Variants in GKAP1 observed in about 807,000 individuals in gnomAD.
GKAP1 encodes the protein G kinase anchoring protein 1.
GKAP1 carries 31 observed loss-of-function variants against 56.7 expected under a neutral mutation model. The observed-to-expected ratio is 0.55, with a 90% CI of 0.41 to 0.74. The LOEUF is 0.74. Ranked by LOEUF, GKAP1 falls within the 30% of genes least tolerant of loss-of-function variation. GKAP1 has a pLI of 0.00. For synonymous variants in GKAP1, 151 were observed against 138.6 expected (o/e 1.09, Z -0.63); for missense variants, 364 against 402.3 (o/e 0.90, Z 0.82).
chr9:83,788,616 A>G lies in GKAP1; in HGVS notation c.423T>C (p.Tyr141=), dbSNP rs1013054843. ...EKALLLSKLE[Y]EEHKKEYEDA... ...ATGTAAATACCTTTTTGTGCTCTTC[A>G]TATTCTAGTTTACTTAGTAACAATG... The change falls in exon 5 of 13, where the codon TAT becomes TAC. Residue 141 remains tyrosine, a synonymous_variant. Coordinates refer to ENST00000376371, the MANE Select transcript of GKAP1 (RefSeq NM_025211.4). The G allele has an allele frequency of 6.3e-7, 1 of 1,584,346 alleles. No individual in the cohort carries two copies. Among genetic ancestry groups the G allele is most frequent in the African/African-American group, 1.3e-5 (1 of 74,428 alleles).
intron 8 of GKAP1, among the ~76,000 whole-genome samples, chr9:83,754,936 A>T (rs1387875676): frequency 6.6e-6 from 1 of 152,244 alleles, no homozygotes; most frequent in Non-Finnish European, 1.5e-5. Context: ...GGGTCAAATA[A>T]GATTATGCTT....
chr9:83,780,374 A>T lies in GKAP1; in HGVS notation c.585+8T>A. ...TGTTTTCTACAAGATGGCTACAATA[A>T]GACTTACCTCAGTCTTTTTACTAAT... On this transcript the variant is annotated splice_region_variant and intron_variant, in intron 7 of 12. Coordinates refer to ENST00000376371, the MANE Select transcript of GKAP1 (RefSeq NM_025211.4). 2 of 1,382,872 alleles carry T rather than the reference A, an allele frequency of 1.4e-6. No homozygotes were observed. The highest frequency in any genetic ancestry group is 1.8e-4 in the Middle Eastern group (1 of 5,542). The allele number at this position is 1,382,872 out of a possible 1,614,324, so 85.7% of individuals were successfully genotyped here.
At position 83,768,005 on chromosome 9, in the gene GKAP1, G is replaced by C. The variant is rs1587706558; in HGVS notation, c.738+813C>G. 3.9e-5 allele frequency among the ~76,000 whole-genome samples: 6 copies of C among 152,230 alleles called. No individual in the cohort carries two copies. In the South Asian group the frequency reaches 1.2e-3, roughly 32 times the overall value. ...CCAGGCTCTTTTCTCTTTTTAAGTA[G>C]TATTTTGAAAATATGAATGCCATTC... On this transcript the variant is annotated intron_variant, in intron 8 of 12. Transcript: ENST00000376371.
intron 12 of GKAP1, among the ~76,000 whole-genome samples, chr9:83,741,358 T>TCACACA (rs777468995): frequency 1.6e-3 from 236 of 147,702 alleles, no homozygotes; most frequent in African/African-American, 5.6e-3. Context: ...TAAATATATC[T>TCACACA]CTCACACACA....
intron 2 of GKAP1, among the ~76,000 whole-genome samples, chr9:83,807,914 A>G (rs1474885388): frequency 6.6e-6 from 1 of 152,248 alleles, no homozygotes; most frequent in African/African-American, 2.4e-5. Flanking sequence ...AAGAAAAATG[A>G]GAAGTATGTA....
intron 4 of GKAP1, among the ~76,000 whole-genome samples, chr9:83,798,720 G>A (rs113298092): frequency 0.019 from 2,893 of 151,982 alleles, 50 homozygotes; most frequent in Non-Finnish European, 0.029. Context: ...TTTGCTCTGT[G>A]GCCCAGGGTG....
At chr9:83,793,869 T>A (rs187424181) in intron 4 of GKAP1, among the ~76,000 whole-genome samples, 2 of 152,282 alleles carry the variant, frequency 1.3e-5, no homozygotes, top group Admixed American at 1.3e-4. Context: ...CTACCTGTCA[T>A]GAAATCTGGT....
chr9:83,800,182 G>A (rs1268899888), intron 3 of GKAP1, among the ~76,000 whole-genome samples: 1 of 151,856 alleles, frequency 6.6e-6, no homozygotes. Flanking sequence ...TAGTTGAAAC[G>A]AGAGAAAAAT....
At chr9:83,769,129 G>A (rs776966863) in intron 7 of GKAP1, among the ~76,000 whole-genome samples, 159 bp from the exon 8 acceptor site, 8 of 152,168 alleles carry the variant, frequency 5.3e-5, no homozygotes, top group Non-Finnish European at 8.8e-5. Flanking sequence ...GACAATCAAC[G>A]ACTTGATCCT....
At chr9:83,794,962 C>A (rs1466105690) in intron 4 of GKAP1, among the ~76,000 whole-genome samples, 1 of 151,900 alleles carries the variant, frequency 6.6e-6, no homozygotes, top group Non-Finnish European at 1.5e-5. Flanking sequence ...TCGAGACCAG[C>A]CTGGCCTGTA....
intron 6 of GKAP1, among the ~76,000 whole-genome samples, chr9:83,782,906 T>C (rs1158208944): frequency 2.6e-5 from 4 of 152,152 alleles, no homozygotes; most frequent in African/African-American, 7.2e-5. Flanking sequence ...TGACCTGAAA[T>C]GGATCTACCT....
chr9:83,753,476 C>T (rs1329290448), intron 8 of GKAP1, 117 bp from the exon 9 acceptor site: 1 of 688,536 alleles, frequency 1.5e-6, no homozygotes, highest in Admixed American at 2.6e-5. Context: ...CTGAGGCCAC[C>T]TTATGCTGTT....
At chr9:83,764,070 T>C (rs375090374) in intron 8 of GKAP1, among the ~76,000 whole-genome samples, 4 of 152,186 alleles carry the variant, frequency 2.6e-5, no homozygotes, top group African/African-American at 9.6e-5. Flanking sequence ...AAAAAGATAC[T>C]ACAAAGGGGA....
chr9:83,796,392 GTAGA>G (rs1271224224), intron 4 of GKAP1, among the ~76,000 whole-genome samples: 1 of 152,152 alleles, frequency 6.6e-6, no homozygotes, highest in Non-Finnish European at 1.5e-5. Context: ...GCTTTCTTTA[GTAGA>G]TACTCTGGTC....
intron 5 of GKAP1, among the ~76,000 whole-genome samples, chr9:83,787,232 A>T (rs1314113899): frequency 1.3e-5 from 2 of 152,166 alleles, no homozygotes; most frequent in African/African-American, 4.8e-5. Flanking sequence ...AGCAAAATCA[A>T]TGCTGTGAAT....
At chr9:83,755,843 C>G (rs1466312070) in intron 8 of GKAP1, among the ~76,000 whole-genome samples, 1 of 127,956 alleles carries the variant, frequency 7.8e-6, no homozygotes, top group African/African-American at 3.0e-5. Flanking sequence ...TCGATCTTAT[C>G]TCCCAGGCTA....
Position 83,753,341 on chromosome 9 carries a change from C to T in GKAP1, c.757G>A (p.Gly253Arg). The T allele has an allele frequency of 6.2e-7, 1 of 1,602,000 alleles. No individual in the cohort carries two copies. Among genetic ancestry groups the T allele is most frequent in the Non-Finnish European group, 8.5e-7 (1 of 1,170,062 alleles). The change falls in exon 9 of 13, where the codon GGA becomes AGA. Residue 253 changes from glycine to arginine, a missense_variant. Coordinates refer to ENST00000376371, the MANE Select transcript of GKAP1 (RefSeq NM_025211.4). ...TCTAACTTTAGTCTTTCAATTCTTC[C>T]ATCTTTCAGAACCACTTCCTGAAAA... Reference protein sequence around the residue: ...EHNQEVVLKDGRIERLKLELE... With the variant: ...EHNQEVVLKDRRIERLKLELE...
At chr9:83,746,313 G>A (rs1943292700) in intron 10 of GKAP1, among the ~76,000 whole-genome samples, 1 of 152,132 alleles carries the variant, frequency 6.6e-6, no homozygotes, top group Admixed American at 6.5e-5. Context: ...AGGACATCCC[G>A]AGGACACCAA....
chr9:83,793,993 C>A (rs1944204406), intron 4 of GKAP1, among the ~76,000 whole-genome samples: 1 of 151,930 alleles, frequency 6.6e-6, no homozygotes, highest in African/African-American at 2.4e-5. Context: ...ATGGCAAAAC[C>A]CCATCTCTAC....
Sources: gnomAD v4.1 joint callset for allele counts (sites outside exome capture counted in the v4.1 genomes callset) on GRCh38, gnomAD v4.1.1 for gene constraint, MANE v1.5 for transcripts, NCBI Gene and HGNC (gene_info 2026-07-23, HGNC 2026-07-21) for gene names.